The following PTPRG variants were observed in gnomAD, a reference collection of about 807,000 sequenced individuals.
PTPRG encodes protein tyrosine phosphatase receptor type G, also known as receptor-type tyrosine-protein phosphatase gamma.
PTPRG carries 102 observed loss-of-function variants against 165.3 expected under a neutral mutation model. The observed-to-expected ratio is 0.62, with a 90% CI of 0.53 to 0.73. The LOEUF (loss-of-function observed/expected upper bound fraction) is 0.73. Among genes scored for constraint, PTPRG ranks in the 30% least tolerant of loss-of-function variants. The pLI is 0.00. For missense variants in PTPRG, 1,866 were observed against 1,861.4 expected (o/e 1.00, Z -0.05); for synonymous variants, 675 against 669.5 (o/e 1.01, Z -0.13).
chr3:61,807,083 G>A (rs1575679316), intron 2 of PTPRG, among the ~76,000 whole-genome samples: 2 of 152,096 alleles, frequency 1.3e-5, no homozygotes, highest in Non-Finnish European at 1.5e-5. Flanking sequence ...ATTGTATTTC[G>A]AAAAAGGGAA....
chr3:61,772,058 TAA>T (rs71100977), intron 2 of PTPRG, among the ~76,000 whole-genome samples: 7 of 64,816 alleles, frequency 1.1e-4, no homozygotes, highest in Non-Finnish European at 2.0e-4. Flanking sequence ...AGACTCTGTC[TAA>T]AAAAAAAAAA....
chr3:62,011,745 T>G (rs1245641008), intron 4 of PTPRG, among the ~76,000 whole-genome samples: 2 of 152,166 alleles, frequency 1.3e-5, no homozygotes, highest in African/African-American at 4.8e-5. Context: ...TAATGCCTGG[T>G]TGTGCAAAGC....
intron 2 of PTPRG, among the ~76,000 whole-genome samples, chr3:61,782,393 A>G (rs1331168008): frequency 6.6e-6 from 1 of 152,246 alleles, no homozygotes; most frequent in African/African-American, 2.4e-5. Flanking sequence ...TTATTCATCA[A>G]TTTAGTCGTG....
chr3:61,665,467 A>AACACACACAC (rs1457942447), intron 1 of PTPRG, among the ~76,000 whole-genome samples: 87 of 79,710 alleles, frequency 1.1e-3, no homozygotes, highest in African/African-American at 4.9e-3. Context: ...ATTGTAAATA[A>AACACACACAC]ATACACACAC....
chr3:61,819,306 A>G (rs2035886416), intron 2 of PTPRG, among the ~76,000 whole-genome samples: 2 of 152,206 alleles, frequency 1.3e-5, no homozygotes, highest in Non-Finnish European at 2.9e-5. Flanking sequence ...AACAAGCTTC[A>G]GATAACCTCA....
At chr3:61,920,504 T>C (rs1427869320) in intron 2 of PTPRG, among the ~76,000 whole-genome samples, 2 of 152,236 alleles carry the variant, frequency 1.3e-5, no homozygotes, top group African/African-American at 2.4e-5. Flanking sequence ...CAAGTAATTC[T>C]CCTGCCTCAG....
intron 2 of PTPRG, among the ~76,000 whole-genome samples, chr3:61,947,529 A>G (rs563768619): frequency 4.3e-4 from 66 of 152,292 alleles, no homozygotes; most frequent in African/African-American, 1.5e-3. Context: ...GGTGACTTGT[A>G]TCCGTTAGGA....
At chr3:61,805,369 A>T (rs1188446366) in intron 2 of PTPRG, among the ~76,000 whole-genome samples, 1 of 152,132 alleles carries the variant, frequency 6.6e-6, no homozygotes, top group Non-Finnish European at 1.5e-5. Flanking sequence ...CCCATAAGGG[A>T]TGTTTTCTAG....
intron 2 of PTPRG, among the ~76,000 whole-genome samples, chr3:61,841,362 G>C (rs899012900): frequency 2.0e-5 from 3 of 152,178 alleles, no homozygotes; most frequent in Non-Finnish European, 4.4e-5. Context: ...TTAAGAGCCT[G>C]TTGCTCTCTT....
Position 62,161,860 on chromosome 3 carries a change from C to T in PTPRG, c.840+4636C>T, listed in dbSNP as rs189234685. Among the ~76,000 whole-genome samples, 5 of 152,292 alleles carry T rather than the reference C, an allele frequency of 3.3e-5. No homozygotes were observed. In the East Asian group the frequency reaches 5.8e-4, roughly 18 times the overall value. Reference sequence around the variant, plus strand: ...TTGTTTAATAAGGAGGCAACAAACACGACCTGCCCTGTCATCCCTCAAATG... The same window carrying T: ...TTGTTTAATAAGGAGGCAACAAACATGACCTGCCCTGTCATCCCTCAAATG... On this transcript the variant is annotated intron_variant, in intron 7 of 29. Transcript: ENST00000474889.
At chr3:61,899,012 G>A (rs934798360) in intron 2 of PTPRG, among the ~76,000 whole-genome samples, 23 of 151,886 alleles carry the variant, frequency 1.5e-4, no homozygotes, top group African/African-American at 5.6e-4. Flanking sequence ...GGGCTCAAGC[G>A]ATCCTCCCAC....
At chr3:62,083,390 C>T (rs376349895) in intron 5 of PTPRG, among the ~76,000 whole-genome samples, 3 of 152,020 alleles carry the variant, frequency 2.0e-5, no homozygotes, top group Non-Finnish European at 4.4e-5. Context: ...CATGAGCCAC[C>T]GTGCCCGGCT....
intron 1 of PTPRG, among the ~76,000 whole-genome samples, chr3:61,613,258 A>G (rs957814606): frequency 2.0e-5 from 3 of 152,182 alleles, no homozygotes; most frequent in African/African-American, 7.2e-5. Context: ...AAAATATGCT[A>G]AAATCATGTT....
intron 2 of PTPRG, among the ~76,000 whole-genome samples, chr3:61,843,712 T>C (rs1476968820): frequency 6.6e-6 from 1 of 152,110 alleles, no homozygotes; most frequent in Admixed American, 6.5e-5. Context: ...AAAATTTCCT[T>C]CTTTACAACT....
At chr3:62,116,934 C>G (rs1702888857) in intron 5 of PTPRG, among the ~76,000 whole-genome samples, 1 of 152,176 alleles carries the variant, frequency 6.6e-6, no homozygotes, top group Non-Finnish European at 1.5e-5. Context: ...TCTTGAGGAG[C>G]TAATGCACAG....
At chr3:62,081,023 C>T (rs1349374398) in intron 5 of PTPRG, among the ~76,000 whole-genome samples, 4 of 151,570 alleles carry the variant, frequency 2.6e-5, no homozygotes, top group South Asian at 2.1e-4. Flanking sequence ...TTTGGAAGGC[C>T]GAGGCGGGCG....
intron 5 of PTPRG, among the ~76,000 whole-genome samples, chr3:62,081,346 T>C (rs1701574636): frequency 6.6e-6 from 1 of 152,152 alleles, no homozygotes; most frequent in Admixed American, 6.5e-5. Flanking sequence ...TCCTTTGTCC[T>C]TCTTATTTAT....
At chr3:62,253,675 G>C (rs376050109) in intron 15 of PTPRG, among the ~76,000 whole-genome samples, 1 of 152,130 alleles carries the variant, frequency 6.6e-6, no homozygotes. Flanking sequence ...TTTTGGCTCC[G>C]CTTACTCTGT....
intron 2 of PTPRG, among the ~76,000 whole-genome samples, chr3:61,756,777 T>C (rs1229159322): frequency 1.3e-5 from 2 of 152,296 alleles, no homozygotes; most frequent in South Asian, 2.1e-4. Context: ...TGTTATCAAG[T>C]GGTACATATC....
Sources: allele counts gnomAD v4.1 joint callset (sites outside exome capture counted in the v4.1 genomes callset), GRCh38; gene constraint gnomAD v4.1.1; transcripts MANE v1.5; gene names NCBI Gene and HGNC (gene_info 2026-07-23, HGNC 2026-07-21).